The following USH2A variants were observed in gnomAD, a reference collection of about 807,000 sequenced individuals.
The protein encoded by USH2A is Usher syndrome 2A (autosomal recessive, mild).
USH2A carries 443 observed loss-of-function variants against 538.9 expected under a neutral mutation model. The observed-to-expected ratio is 0.82, with a 90% confidence interval of 0.76 to 0.89. USH2A has a LOEUF of 0.89. USH2A is among the 40% of genes least tolerant of loss of function. USH2A has a pLI of 0.00. For synonymous variants in USH2A, 2,413 were observed against 2,273.5 expected (o/e 1.06, Z -1.75); for missense variants, 6,633 against 6,324.8 (o/e 1.05, Z -1.65).
intron 47 of USH2A, among the ~76,000 whole-genome samples, chr1:215,823,844 C>A (rs760447339): frequency 2.0e-5 from 3 of 151,970 alleles, no homozygotes; most frequent in Non-Finnish European, 4.4e-5. Context: ...TTCACTTCAG[C>A]AGATGTATTT....
At chr1:215,685,465 C>G (rs183999587) in intron 61 of USH2A, among the ~76,000 whole-genome samples, 7 of 151,686 alleles carry the variant, frequency 4.6e-5, no homozygotes, top group Non-Finnish European at 8.8e-5. Context: ...TCGAGCGATT[C>G]TCATGCCTCA....
intron 3 of USH2A, among the ~76,000 whole-genome samples, chr1:216,377,349 T>A (rs745665456): frequency 6.6e-6 from 1 of 152,096 alleles, no homozygotes; most frequent in Non-Finnish European, 1.5e-5. Flanking sequence ...TTTAATTTGT[T>A]TGCACCAAAA....
intron 58 of USH2A, 44 bp from the exon 59 acceptor site, chr1:215,743,379 T>TAG: frequency 9.1e-6 from 4 of 440,202 alleles, no homozygotes; most frequent in Non-Finnish European, 1.4e-5. Flanking sequence ...AACATATATA[T>TAG]ATATATATGT....
At chr1:215,882,014 C>T (rs192024495) in intron 41 of USH2A, among the ~76,000 whole-genome samples, 124 of 152,304 alleles carry the variant, frequency 8.1e-4, no homozygotes, top group Admixed American at 2.3e-3. Context: ...TGGCTTCAGG[C>T]TTGAAAAGAG....
chr1:216,102,521 C>T (rs749761445), intron 21 of USH2A, among the ~76,000 whole-genome samples: 43 of 152,066 alleles, frequency 2.8e-4, no homozygotes, highest in Non-Finnish European at 5.7e-4. Flanking sequence ...ACTTGTGGGC[C>T]GGGCACAGTG....
chr1:216,241,091 T>A (rs1471059755), intron 13 of USH2A, among the ~76,000 whole-genome samples: 2 of 152,156 alleles, frequency 1.3e-5, no homozygotes, highest in African/African-American at 4.8e-5. Flanking sequence ...AGCTGTACAG[T>A]AAATTTATAT....
intron 13 of USH2A, among the ~76,000 whole-genome samples, chr1:216,243,194 G>A (rs984983788): frequency 6.6e-6 from 1 of 152,192 alleles, no homozygotes; most frequent in Non-Finnish European, 1.5e-5. Flanking sequence ...GGCAAAGCAT[G>A]TAAGAAACAG....
At chr1:215,868,099 AT>A (rs1174248967) in intron 43 of USH2A, among the ~76,000 whole-genome samples, 12 of 152,152 alleles carry the variant, frequency 7.9e-5, no homozygotes, top group Admixed American at 2.0e-4. Flanking sequence ...GCCTCAGATC[AT>A]TACCTAATTT....
chr1:216,246,693 C>T lies in USH2A; in HGVS notation c.2701G>A (p.Glu901Lys), dbSNP rs1572088169. ...IDNFQHCQMC[E>K]CDSLGTLPGT... Reference sequence around the variant, plus strand: ...GGTAATGTCCCCAAGGAATCACACTCACACATCTGGCAGTGTTGAAAATTG... The same window carrying T: ...GGTAATGTCCCCAAGGAATCACACTTACACATCTGGCAGTGTTGAAAATTG... The change falls in exon 13 of 72, where the codon GAG becomes AAG. Residue 901 changes from glutamate to lysine, a missense_variant. Coordinates refer to ENST00000307340, the MANE Select transcript of USH2A (RefSeq NM_206933.4). The T allele has an allele frequency of 6.2e-7, 1 of 1,614,124 alleles. No homozygotes were observed. Among genetic ancestry groups the T allele is most frequent in the Non-Finnish European group, 8.5e-7 (1 of 1,179,980 alleles).
intron 4 of USH2A, among the ~76,000 whole-genome samples, chr1:216,333,321 A>C (rs1418213638): frequency 2.0e-5 from 3 of 152,026 alleles, no homozygotes; most frequent in Admixed American, 2.0e-4. Context: ...CTTTCAAATG[A>C]AAAATTCACT....
Position 216,418,507 on chromosome 1 carries a change from T to C in USH2A, c.651+7A>G, listed in dbSNP as rs567967063. 5.0e-6 allele frequency: 8 copies of C among 1,612,530 alleles called. No homozygotes were observed. In the African/African-American group the frequency reaches 1.1e-4, roughly 22 times the overall value. ...ACCAAATGTTAAATATTTTTTATTT[T>C]ACTCACCTGCACACTAAGATGAATC... On this transcript the variant is annotated splice_region_variant and intron_variant, in intron 3 of 71. Transcript: ENST00000307340.
intron 35 of USH2A, among the ~76,000 whole-genome samples, chr1:215,980,952 T>C (rs1417419392): frequency 6.6e-6 from 1 of 152,136 alleles, no homozygotes; most frequent in East Asian, 1.9e-4. Context: ...ACAAATTTTC[T>C]AGGACAAATG....
chr1:216,212,865 T>C (rs1157899543), intron 15 of USH2A, among the ~76,000 whole-genome samples: 3 of 152,130 alleles, frequency 2.0e-5, no homozygotes, highest in Admixed American at 6.6e-5. Context: ...CAATAAGTAA[T>C]ATATTTATTA....
intron 43 of USH2A, among the ~76,000 whole-genome samples, chr1:215,875,670 T>C (rs753010359): frequency 6.6e-6 from 1 of 151,954 alleles, no homozygotes; most frequent in Non-Finnish European, 1.5e-5. Context: ...ACTTATTCTT[T>C]GTTTTTGCTG....
chr1:216,028,195 C>T (rs1024320929), intron 32 of USH2A, among the ~76,000 whole-genome samples: 5 of 151,978 alleles, frequency 3.3e-5, no homozygotes, highest in Admixed American at 1.3e-4. Flanking sequence ...CGAGACCAGC[C>T]GGGCTAACAC....
chr1:216,019,436 T>C (rs1367751953), intron 32 of USH2A, among the ~76,000 whole-genome samples: 2 of 152,158 alleles, frequency 1.3e-5, no homozygotes, highest in Non-Finnish European at 2.9e-5. Context: ...CAATGGATGA[T>C]AAAAATGGGG....
chr1:215,672,894 T>C (rs1657870459), intron 63 of USH2A, among the ~76,000 whole-genome samples: 1 of 152,244 alleles, frequency 6.6e-6, no homozygotes, highest in African/African-American at 2.4e-5. Flanking sequence ...CTTTCCAGCC[T>C]GGAAAAAGCA....
intron 65 of USH2A, among the ~76,000 whole-genome samples, chr1:215,650,219 C>T (rs368991008): frequency 1.3e-5 from 2 of 152,166 alleles, no homozygotes; most frequent in East Asian, 1.9e-4. Flanking sequence ...CTAACATTTA[C>T]ACCACCAATA....
chr1:216,401,075 C>T (rs75553402), intron 3 of USH2A, among the ~76,000 whole-genome samples: 533 of 152,068 alleles, frequency 3.5e-3, no homozygotes, highest in African/African-American at 4.6e-3. Context: ...TAATATTTCA[C>T]GGTTGAAGCA....
Sources: gnomAD v4.1 joint callset for allele counts (sites outside exome capture counted in the v4.1 genomes callset) on GRCh38, gnomAD v4.1.1 for gene constraint, MANE v1.5 for transcripts, NCBI Gene and HGNC (gene_info 2026-07-23, HGNC 2026-07-21) for gene names.